Variants in SAMD11 observed in about 807,000 individuals in gnomAD.
SAMD11 encodes the protein sterile alpha motif domain-containing protein 11.
In SAMD11, 77 loss-of-function variants were observed where a neutral mutation model predicts 64.4. The ratio of observed to expected loss-of-function variants is 1.20; its 90% CI spans 0.99 to 1.44. The LOEUF is 1.44. Among genes scored for constraint, SAMD11 ranks in the 40% most tolerant of loss-of-function variants. SAMD11 has a pLI of 0.00. For missense variants in SAMD11, 1,402 were observed against 943.3 expected (o/e 1.49, Z -6.37); for synonymous variants, 658 against 421.9 (o/e 1.56, Z -6.86).
chr1:929,164 G>A (rs918076749), intron 2 of SAMD11, among the ~76,000 whole-genome samples: 6 of 152,248 alleles, frequency 3.9e-5, no homozygotes, highest in African/African-American at 1.2e-4. Context: ...GCCTGGGGCT[G>A]GGCCGGCGCT....
rs6605066 is a variant in SAMD11, at chr1:942,335, C to T, written c.1475-75C>T. ...TGCCCCTGTCGGAGCCGAGACGGAC[C>T]GGGTAGGGGATTGCAAAGGGCCGGC... On this transcript the variant is annotated intron_variant, in intron 9 of 13. Coordinates refer to ENST00000616016, the MANE Select transcript of SAMD11 (RefSeq NM_001385641.1). The T allele has an allele frequency of 2.8e-6, 3 of 1,061,536 alleles. No individual in the cohort carries two copies. In the African/African-American group the frequency reaches 5.0e-5, roughly 18 times the overall value. The allele number at this position is 1,061,536 out of a possible 1,614,324, so 65.8% of individuals were successfully genotyped here.
rs988214710 is a variant in SAMD11 at position 944,522 on chromosome 1, C to CCAGCT, written c.*371_*375dup. 9 of 627,318 alleles carry CCAGCT rather than the reference C, an allele frequency of 1.4e-5. No individual in the cohort carries two copies. The highest frequency in any genetic ancestry group is 2.1e-5 in the Non-Finnish European group (8 of 372,234). 38.9% of individuals were successfully genotyped at this position (627,318 alleles called of 1,614,324 possible). On this transcript the variant is annotated 3_prime_UTR_variant, in exon 14 of 14. Coordinates refer to ENST00000616016, the MANE Select transcript of SAMD11 (RefSeq NM_001385641.1). ...AGCAGCCACACCAGCCCAGCCCAGC[C>CCAGCT]CAGCTCTCGATACGTTTGGTCTTTC... is the stretch of plus-strand genomic sequence containing the variant.
intron 8 of SAMD11, among the ~76,000 whole-genome samples, chr1:941,932 G>GC (rs1421763220): frequency 1.3e-5 from 2 of 152,034 alleles, no homozygotes; most frequent in Non-Finnish European, 2.9e-5. Flanking sequence ...GTCGCCGCCC[G>GC]CCGGGTCAGC....
intron 5 of SAMD11, 101 bp downstream of exon 5, chr1:935,997 G>T: frequency 7.8e-7 from 1 of 1,285,586 alleles, no homozygotes; most frequent in Non-Finnish European, 1.1e-6. Flanking sequence ...CAGCCAGAGA[G>T]GCAGGAGGAG....
intron 2 of SAMD11, among the ~76,000 whole-genome samples, chr1:928,975 C>A (rs1432311928): frequency 2.0e-5 from 3 of 152,196 alleles, no homozygotes. Flanking sequence ...TCTGAGGAGA[C>A]CCTGGTGACT....
At chr1:938,637 G>T (rs756114758) in intron 5 of SAMD11, among the ~76,000 whole-genome samples, 2 of 152,042 alleles carry the variant, frequency 1.3e-5, no homozygotes, top group African/African-American at 2.4e-5. Flanking sequence ...ACGCTGGCAT[G>T]TGACCCTGCA....
Position 943,345 on chromosome 1 carries a change from G to A in SAMD11, c.2146G>A (p.Gly716Arg), listed in dbSNP as rs562951062. 14 of 1,597,158 alleles carry A rather than the reference G, an allele frequency of 8.8e-6. No homozygotes were observed. In the East Asian group the frequency reaches 2.2e-4, roughly 26 times the overall value. ...CGTGGATGACGTCTGCAGCTTCGTG[G>A]GGGGCCTGTCTGGCTGTGGAGAGTA... ...WTVDDVCSFV[G>R]GLSGCGEYTR... is the part of the protein sequence containing the mutation. The change falls in exon 12 of 14, where the codon GGG (glycine) becomes AGG (arginine). Residue 716 changes from glycine to arginine, a missense_variant. Gly to Arg is a moderately radical substitution (Grantham distance 125, BLOSUM62 -2). Coordinates refer to ENST00000616016, the MANE Select transcript of SAMD11 (RefSeq NM_001385641.1).
At chr1:930,127 C>G in intron 2 of SAMD11, 28 bp from the exon 3 acceptor site, 2 of 1,545,682 alleles carry the variant, frequency 1.3e-6, no homozygotes, top group Non-Finnish European at 1.7e-6. Context: ...TCCTCCTGCC[C>G]CACCTTCCTC....
At position 930,965 on chromosome 1, in the gene SAMD11, G is replaced by A. The variant is rs893468509; in HGVS notation, c.792-74G>A. The A allele has an allele frequency of 3.1e-5, 45 of 1,459,836 alleles. No homozygotes were observed. In the Middle Eastern group the frequency reaches 5.5e-4, roughly 18 times the overall value. The allele number at this position is 1,459,836 out of a possible 1,614,324, so 90.4% of individuals were successfully genotyped here. A position where few individuals can be genotyped will look rare whatever the true frequency, so the allele number is the denominator to read the frequency against. Reference sequence around the variant, plus strand: ...GGGCACTGACCCGAGACAGGTCTGCGCACGCCCTGCTATCCTGAGGCTGGG... The same window carrying A: ...GGGCACTGACCCGAGACAGGTCTGCACACGCCCTGCTATCCTGAGGCTGGG... On this transcript the variant is annotated intron_variant, in intron 3 of 13. Transcript: ENST00000616016.
chr1:928,217 C>T (rs1484977923), intron 2 of SAMD11, among the ~76,000 whole-genome samples: 2 of 119,586 alleles, frequency 1.7e-5, no homozygotes, highest in Admixed American at 1.6e-4. Context: ...CACGGTGAAA[C>T]CCGTCTCTAC....
chr1:925,382 G>T (rs1167138784), intron 1 of SAMD11, among the ~76,000 whole-genome samples: 1 of 141,224 alleles, frequency 7.1e-6, no homozygotes, highest in Non-Finnish European at 1.6e-5. Flanking sequence ...GAGCCCGAGC[G>T]GCGGCGCCAG....
intron 8 of SAMD11, among the ~76,000 whole-genome samples, chr1:941,522 C>T (rs1288703916): frequency 6.6e-6 from 1 of 151,976 alleles, no homozygotes; most frequent in African/African-American, 2.4e-5. Context: ...CAGGGGGTTC[C>T]CTGGAGGAGA....
intron 12 of SAMD11, 61 bp from the exon 13 acceptor site, chr1:943,637 C>G (rs1240729311): frequency 1.4e-6 from 2 of 1,452,732 alleles, no homozygotes; most frequent in African/African-American, 2.9e-5. Context: ...CCTCTTGGCT[C>G]TGCTGGGCTG....
intron 2 of SAMD11, among the ~76,000 whole-genome samples, chr1:927,141 C>A (rs1312931227): frequency 2.0e-5 from 3 of 152,204 alleles, no homozygotes; most frequent in Admixed American, 2.0e-4. Flanking sequence ...TGGACCTGCA[C>A]GCACAGGCAG....
At position 941,114 on chromosome 1, in the gene SAMD11, G is replaced by C. The variant is rs768437880; in HGVS notation, c.1196-30G>C. ...TGGGGAGGATGAGGGCGCATAGCCG[G>C]GGGGATCACTGCTGTTGTCCCCCAC... On this transcript the variant is annotated intron_variant, in intron 7 of 13. Transcript: ENST00000616016. 2.6e-6 allele frequency: 4 copies of C among 1,566,616 alleles called. 1 individual carries two copies. The highest frequency in any genetic ancestry group is 2.3e-5 in the South Asian group (2 of 85,796).
At position 944,047 on chromosome 1, in the gene SAMD11, C is replaced by A. The variant is rs199869504; in HGVS notation, c.2429C>A (p.Pro810His). The A allele has an allele frequency of 6.2e-6, 10 of 1,612,662 alleles. No homozygotes were observed. The East Asian group carries it at 8.9e-5, about 14-fold the overall frequency. Residue 810 changes from proline (P) to histidine (H), a missense_variant, in exon 14 of 14, where the codon CCC (proline) becomes CAC (histidine). Transcript: ENST00000616016. Reference protein sequence around the residue: ...QPLSPTTATSPYGGGHALAGQ... With the variant: ...QPLSPTTATSHYGGGHALAGQ... ...TTGTCCCCCACGACGGCCACGTCCC[C>A]CTATGGAGGGGGCCACGCCCTTGCC...
chr1:935,899 G>GAGGA lies in SAMD11; in HGVS notation c.967+4_967+7dup, dbSNP rs1361123680. ...GGAGATTGGCCTGCGACCCGCCGGT[G>GAGGA]AGGAGCACAGGGGGCCTGAGGGCGG... is the stretch of plus-strand genomic sequence containing the variant. On this transcript the variant is annotated splice_donor_region_variant and intron_variant, in intron 5 of 13. Transcript: ENST00000616016. The GAGGA allele has an allele frequency of 6.2e-7, 1 of 1,612,396 alleles. No individual in the cohort carries two copies. Among genetic ancestry groups the GAGGA allele is most frequent in the Non-Finnish European group, 8.5e-7 (1 of 1,179,620 alleles).
chr1:941,001 C>T (rs1641730467), intron 7 of SAMD11, 143 bp from the exon 8 acceptor site: 5 of 661,168 alleles, frequency 7.6e-6, no homozygotes, highest in South Asian at 4.0e-5. Flanking sequence ...CATCCTCCTG[C>T]CCCGTGCCCG....
rs752064400 is a variant in SAMD11 at position 944,105 on chromosome 1, C to A, written c.2487C>A (p.Thr829=). The change falls in exon 14 of 14, where the codon ACC becomes ACA. Residue 829 remains threonine (T), a synonymous_variant. Coordinates refer to ENST00000616016, the MANE Select transcript of SAMD11 (RefSeq NM_001385641.1). Reference sequence around the variant, plus strand: ...CTTCACCCAAGCAGGAGAATGGGACCTTGGCTCTACTTCCAGGGGCCCCCG... The same window carrying A: ...CTTCACCCAAGCAGGAGAATGGGACATTGGCTCTACTTCCAGGGGCCCCCG... The part of the protein sequence containing the change: ...GQTSPKQENG[T]LALLPGAPDP... The A allele has an allele frequency of 3.1e-6, 5 of 1,607,566 alleles. No individual in the cohort carries two copies. In the African/African-American group the frequency reaches 5.4e-5, roughly 17 times the overall value.
Sources: gnomAD v4.1 joint callset for allele counts (sites outside exome capture counted in the v4.1 genomes callset) on GRCh38, gnomAD v4.1.1 for gene constraint, MANE v1.5 for transcripts, NCBI Gene and HGNC (gene_info 2026-07-23, HGNC 2026-07-21) for gene names.